Variants in ATXN10 observed in about 807,000 individuals in gnomAD.
The protein encoded by ATXN10 is ataxin 10.
Under a neutral mutation model 52.9 loss-of-function variants are expected in ATXN10, and 28 were observed. The ratio of observed to expected loss-of-function variants is 0.53; its 90% CI spans 0.39 to 0.73. ATXN10 has a LOEUF of 0.73. Ranked by LOEUF, ATXN10 falls within the 30% of genes least tolerant of loss-of-function variation. The probability of loss-of-function intolerance (pLI) is 0.00; values close to 1 mark genes in which losing one functional copy is unlikely to be tolerated. For synonymous variants in ATXN10, 226 were observed against 221.5 expected, an observed-to-expected ratio of 1.02 and a Z score of -0.18; for missense variants, 565 against 577.0, an observed-to-expected ratio of 0.98 and a Z score of 0.21.
intron 3 of ATXN10, among the ~76,000 whole-genome samples, chr22:45,695,052 T>C (rs1176006018): frequency 6.6e-6 from 1 of 151,444 alleles, no homozygotes; most frequent in African/African-American, 2.4e-5. Context: ...TGTTGTTGGC[T>C]GGGCGCAGTG....
intron 9 of ATXN10, 138 bp downstream of exon 9, chr22:45,740,676 G>T: frequency 8.3e-5 from 36 of 432,544 alleles, no homozygotes; most frequent in Middle Eastern, 1.2e-3. Flanking sequence ...TATTTTATAT[G>T]AATACACACA....
chr22:45,683,399 G>C lies in ATXN10; in HGVS notation c.117-6313G>C, dbSNP rs1229354296. 2.6e-5 allele frequency among the ~76,000 whole-genome samples: 4 copies of C among 152,144 alleles called. No individual in the cohort carries two copies. The highest frequency in any genetic ancestry group is 5.9e-5 in the Non-Finnish European group (4 of 68,034). ...CGTCCTTCCGTGGCCTACTGTGCCT[G>C]TCCAGGGTGGCTCTGTCTTGTCTCT... On this transcript the variant is annotated intron_variant, in intron 1 of 11. Transcript: ENST00000252934. The surrounding 1 kb of genome is among the most constrained non-coding windows in gnomAD (Gnocchi z 4.8).
chr22:45,792,719 T>G (rs1927557682), intron 9 of ATXN10: 3 of 397,750 alleles, frequency 7.5e-6, no homozygotes, highest in Non-Finnish European at 5.1e-6. Context: ...TAATTCAGTC[T>G]TTTTTATTTT....
In ATXN10 at chr22:45,718,433, T is replaced by C. The variant is rs1447682366; in HGVS notation, c.668T>C (p.Leu223Pro). The change falls in exon 6 of 12, where the codon CTC becomes CCC. Residue 223 changes from leucine to proline, a missense_variant. Physicochemically the swap from Leu to Pro is moderately conservative, Grantham distance 98 (BLOSUM62 -3). Coordinates refer to ENST00000252934, the MANE Select transcript of ATXN10 (RefSeq NM_013236.4). The surrounding 1 kb of genome is among the most constrained non-coding windows in gnomAD (Gnocchi z 4.4). ...CCTAGGTTCTTGATTATTACAGACC[T>C]CTTTCTGAAAAGCCCGGAATTGGTA... Reference protein sequence around the residue: ...SEWPFLIITDLFLKSPELVQA... With the variant: ...SEWPFLIITDPFLKSPELVQA... The C allele has an allele frequency of 6.2e-7, 1 of 1,613,656 alleles. No homozygotes were observed. The highest frequency in any genetic ancestry group is 1.7e-5 in the Admixed American group (1 of 59,996).
At chr22:45,773,765 A>G (rs1926856483) in intron 9 of ATXN10, among the ~76,000 whole-genome samples, 1 of 152,136 alleles carries the variant, frequency 6.6e-6, no homozygotes, top group Non-Finnish European at 1.5e-5. Flanking sequence ...GCCTGAATGA[A>G]GAATTATTAA....
chr22:45,722,156 A>G (rs896480671), intron 6 of ATXN10, among the ~76,000 whole-genome samples: 1 of 152,242 alleles, frequency 6.6e-6, no homozygotes, highest in African/African-American at 2.4e-5. Flanking sequence ...TAATAATTCT[A>G]GACGGCTGTA....
intron 9 of ATXN10, among the ~76,000 whole-genome samples, chr22:45,768,895 T>C (rs893906698): frequency 3.3e-5 from 5 of 152,198 alleles, no homozygotes; most frequent in Non-Finnish European, 5.9e-5. Flanking sequence ...GTAATTAATC[T>C]TTCTAGGCAA....
intron 10 of ATXN10, among the ~76,000 whole-genome samples, chr22:45,809,159 C>G (rs896991303): frequency 6.6e-6 from 1 of 152,230 alleles, no homozygotes; most frequent in Non-Finnish European, 1.5e-5. Context: ...TAAAATCTGG[C>G]CTTCGTAGTA....
chr22:45,816,530 G>A lies in ATXN10; in HGVS notation c.1237+9508G>A, dbSNP rs755483341. ...ATGACACACCAGAATACCCAGATAT[G>A]TAACCTTTCCCCCAAGGAAAGTTTA... On this transcript the variant is annotated intron_variant, in intron 10 of 11. Coordinates refer to ENST00000252934, the MANE Select transcript of ATXN10 (RefSeq NM_013236.4). This position sits in a 1 kb window ranked among gnomAD's most constrained non-coding sequence, Gnocchi z 5.8. Among the ~76,000 whole-genome samples the A allele has an allele frequency of 6.6e-6, 1 of 152,182 alleles. No individual in the cohort carries two copies. The highest frequency in any genetic ancestry group is 2.4e-5 in the African/African-American group (1 of 41,442).
Position 45,689,872 on chromosome 22 carries a change from A to G in ATXN10, c.277A>G (p.Ile93Val), listed in dbSNP as rs1216189784. ...ECFRCLRNAC[I>V]ECSVNQNSIR... ...CTTCAGGTGTCTTCGCAATGCTTGC[A>G]TAGAGTGTTCTGTGAACCAGAATTC... Residue 93 changes from isoleucine to valine, a missense_variant, in exon 2 of 12, where the codon ATA becomes GTA. Transcript: ENST00000252934. 2 of 1,614,060 alleles carry G rather than the reference A, an allele frequency of 1.2e-6. No individual in the cohort carries two copies. Among genetic ancestry groups the G allele is most frequent in the Non-Finnish European group, 1.7e-6 (2 of 1,180,038 alleles).
chr22:45,758,473 A>G (rs1484214485), intron 9 of ATXN10, among the ~76,000 whole-genome samples: 3 of 152,376 alleles, frequency 2.0e-5, no homozygotes, highest in East Asian at 3.9e-4. Context: ...AAAAGATTAG[A>G]TTCAAATTAT....
In ATXN10 at chr22:45,712,687, A is replaced by G. The variant is rs137963768; in HGVS notation, c.648-5726A>G. ...ACATGTAGATTCAGGAAATCTATTT[A>G]TATATTTTTCAGATTATAACTCATT... On this transcript the variant is annotated intron_variant, in intron 5 of 11. Transcript: ENST00000252934. This position sits in a 1 kb window ranked among gnomAD's most constrained non-coding sequence, Gnocchi z 4.6. 7.2e-3 allele frequency among the ~76,000 whole-genome samples: 1,104 copies of G among 152,290 alleles called. 14 individuals carry two copies. Among genetic ancestry groups the G allele is most frequent in the African/African-American group, 0.025 (1,048 of 41,552 alleles).
intron 6 of ATXN10, among the ~76,000 whole-genome samples, chr22:45,726,366 ATTTC>A (rs1475675826): frequency 1.3e-5 from 2 of 151,746 alleles, no homozygotes; most frequent in Non-Finnish European, 2.9e-5. Flanking sequence ...CAGACCTCCT[ATTTC>A]TTTCTGATTC....
chr22:45,743,770 T>C (rs967918478), intron 9 of ATXN10, among the ~76,000 whole-genome samples: 1 of 152,228 alleles, frequency 6.6e-6, no homozygotes. Flanking sequence ...TATTATCAAC[T>C]TTAATCTTTG....
intron 5 of ATXN10, among the ~76,000 whole-genome samples, chr22:45,707,430 T>A (rs1045915958): frequency 6.6e-6 from 1 of 152,118 alleles, no homozygotes; most frequent in Non-Finnish European, 1.5e-5. Flanking sequence ...ATGATGTGTT[T>A]AACTTAGAAA....
At chr22:45,716,096 C>A (rs1347863347) in intron 5 of ATXN10, among the ~76,000 whole-genome samples, 1 of 151,636 alleles carries the variant, frequency 6.6e-6, no homozygotes, top group Non-Finnish European at 1.5e-5. Flanking sequence ...ACTGTCTCTG[C>A]CAAAAAAATA....
chr22:45,687,508 T>A (rs1359123802), intron 1 of ATXN10, among the ~76,000 whole-genome samples: 3 of 152,210 alleles, frequency 2.0e-5, no homozygotes, highest in Non-Finnish European at 4.4e-5. Context: ...ACATTCTTAG[T>A]CATCTCAGTA....
At chr22:45,749,499 C>G (rs771903943) in intron 9 of ATXN10, among the ~76,000 whole-genome samples, 2 of 152,110 alleles carry the variant, frequency 1.3e-5, no homozygotes, top group Non-Finnish European at 2.9e-5. Flanking sequence ...TCTTACTGAA[C>G]TTTTTTCATT....
In ATXN10 at chr22:45,700,339, A is replaced by G; in HGVS notation, c.449A>G (p.Gln150Arg). The change falls in exon 4 of 12, where the codon CAG (glutamine) becomes CGG (arginine). Residue 150 changes from glutamine (Q) to arginine (R), a missense_variant. By Grantham distance (43) the Gln-to-Arg change is conservative. Coordinates refer to ENST00000252934, the MANE Select transcript of ATXN10 (RefSeq NM_013236.4). ...GNIASRNEDS[Q>R]SIVWVHAFPE... ...ATTGCCTCACGGAATGAAGATTCCC[A>G]GTCTATTGTTTGGGTGCATGCTTTC... is the stretch of plus-strand genomic sequence containing the variant. 2.5e-6 allele frequency: 4 copies of G among 1,614,066 alleles called. No individual in the cohort carries two copies. Among genetic ancestry groups the G allele is most frequent in the Non-Finnish European group, 3.4e-6 (4 of 1,179,974 alleles).
Sources: allele counts gnomAD v4.1 joint callset (sites outside exome capture counted in the v4.1 genomes callset), GRCh38; gene constraint gnomAD v4.1.1; non-coding constraint Gnocchi (gnomAD v3.1); transcripts MANE v1.5; gene names NCBI Gene and HGNC (gene_info 2026-07-23, HGNC 2026-07-21).